Variants in UBE2Q2 observed in about 807,000 individuals in gnomAD.
UBE2Q2 encodes ubiquitin conjugating enzyme E2 Q2.
UBE2Q2 carries 54 observed loss-of-function variants against 59.9 expected under a neutral mutation model. That is an observed-to-expected ratio of 0.90 (90% CI 0.72 to 1.13). The LOEUF is 1.13. Ranked by LOEUF, UBE2Q2 falls within the 50% of genes most tolerant of loss-of-function variation. UBE2Q2 has a pLI of 0.00. For missense variants in UBE2Q2, 433 were observed against 441.9 expected (o/e 0.98, Z 0.18); for synonymous variants, 165 against 155.2 (o/e 1.06, Z -0.47).
intron 3 of UBE2Q2, among the ~76,000 whole-genome samples, chr15:75,861,817 A>G (rs569301587): frequency 9.9e-4 from 151 of 152,290 alleles, no homozygotes; most frequent in African/African-American, 3.5e-3. Flanking sequence ...AACTGGGGCT[A>G]GTTGGACAGG....
At chr15:75,875,351 C>A (rs1898019615) in intron 5 of UBE2Q2, among the ~76,000 whole-genome samples, 2 of 152,016 alleles carry the variant, frequency 1.3e-5, no homozygotes, top group South Asian at 2.1e-4. Flanking sequence ...TTCACGTGAC[C>A]AAAAAATAGT....
intron 1 of UBE2Q2, among the ~76,000 whole-genome samples, chr15:75,845,471 GGGTGATTACTCT>G (rs1007473333): frequency 1.3e-5 from 2 of 152,206 alleles, no homozygotes; most frequent in Admixed American, 1.3e-4. Flanking sequence ...ATGGCTTCGA[GGGTGATTACTCT>G]GGTAGAAGTT....
rs1567047479 is a variant in UBE2Q2 at position 75,900,354 on chromosome 15, ACT to A, written c.*899_*900del. 6.6e-6 allele frequency: 1 copy of A among 152,580 alleles called. No individual in the cohort carries two copies. The highest frequency in any genetic ancestry group is 2.4e-5 in the African/African-American group (1 of 41,442). The allele number at this position is 152,580 out of a possible 1,614,324, so 9.5% of individuals were successfully genotyped here. A position where few individuals can be genotyped will look rare whatever the true frequency, so the allele number is the denominator to read the frequency against. ...GTACAAAAAGATACTTAATTTGGAG[ACT>A]CTTACAGTAATTTTTGCCATGTCAA... On this transcript the variant is annotated 3_prime_UTR_variant, in exon 13 of 13. Transcript: ENST00000267938.
intron 3 of UBE2Q2, among the ~76,000 whole-genome samples, chr15:75,860,503 A>G (rs1260145714): frequency 6.6e-6 from 1 of 151,298 alleles, no homozygotes; most frequent in Non-Finnish European, 1.5e-5. Flanking sequence ...CCCACTTACC[A>G]CTCACCTCCC....
At chr15:75,889,244 A>G (rs2141663782) in intron 9 of UBE2Q2, among the ~76,000 whole-genome samples, 1 of 152,182 alleles carries the variant, frequency 6.6e-6, no homozygotes, top group Admixed American at 6.5e-5. Context: ...TTTCTTTTAG[A>G]TTTTCTTTCA....
At chr15:75,877,856 A>G in intron 6 of UBE2Q2, 105 bp from the exon 7 acceptor site, 2 of 963,446 alleles carry the variant, frequency 2.1e-6, no homozygotes, top group Admixed American at 5.4e-5. Context: ...ATGTTTTAAG[A>G]GCAAAATTTC....
chr15:75,857,661 G>C (rs946081758), intron 2 of UBE2Q2, among the ~76,000 whole-genome samples: 7 of 150,878 alleles, frequency 4.6e-5, no homozygotes, highest in African/African-American at 1.7e-4. Flanking sequence ...TTGTTCCCTT[G>C]TTGAAACATT....
chr15:75,865,316 C>T (rs1027869312), intron 3 of UBE2Q2, among the ~76,000 whole-genome samples: 6 of 152,154 alleles, frequency 3.9e-5, no homozygotes, highest in African/African-American at 1.4e-4. Context: ...CTTTGTTGTG[C>T]TTAACATTGT....
chr15:75,883,752 G>A (rs1263822245), intron 9 of UBE2Q2, among the ~76,000 whole-genome samples: 1 of 151,824 alleles, frequency 6.6e-6, no homozygotes, highest in Non-Finnish European at 1.5e-5. Context: ...GTTGTTCTGG[G>A]GCCCACACCT....
chr15:75,891,754 G>A (rs1483867190), intron 11 of UBE2Q2, among the ~76,000 whole-genome samples: 1 of 152,202 alleles, frequency 6.6e-6, no homozygotes, highest in Non-Finnish European at 1.5e-5. Flanking sequence ...AGCATAGGCT[G>A]TAATGTTAAT....
At chr15:75,875,295 A>AT (rs36068593) in intron 5 of UBE2Q2, among the ~76,000 whole-genome samples, 141,219 of 152,220 alleles carry the variant, frequency 0.93, 66,002 homozygotes, top group East Asian at 1. Context: ...AGGAAACTTG[A>AT]TTTTTCCCCC....
intron 1 of UBE2Q2, among the ~76,000 whole-genome samples, chr15:75,853,836 G>A (rs983774005): frequency 6.6e-6 from 1 of 152,154 alleles, no homozygotes; most frequent in Non-Finnish European, 1.5e-5. Flanking sequence ...TCATCTCACA[G>A]GCTGTGGGAC....
intron 2 of UBE2Q2, among the ~76,000 whole-genome samples, chr15:75,856,140 T>C (rs906053218): frequency 2.7e-4 from 41 of 151,796 alleles, no homozygotes; most frequent in Admixed American, 1.3e-4. Context: ...TAAGCCTAGA[T>C]TGTGCCTCTG....
At chr15:75,890,816 A>T in intron 10 of UBE2Q2, 103 bp from the exon 11 acceptor site, 1 of 966,322 alleles carries the variant, frequency 1.0e-6, no homozygotes, top group Non-Finnish European at 1.6e-6. Context: ...CAGTCTTTTT[A>T]ACACTGATTT....
Position 75,878,024 on chromosome 15 carries a change from A to C in UBE2Q2, c.734+3A>C. The C allele has an allele frequency of 1.2e-6, 2 of 1,613,634 alleles. No homozygotes were observed. Among genetic ancestry groups the C allele is most frequent in the Non-Finnish European group, 1.7e-6 (2 of 1,179,738 alleles). On this transcript the variant is annotated splice_donor_region_variant and intron_variant, in intron 7 of 12. Coordinates refer to ENST00000267938, the MANE Select transcript of UBE2Q2 (RefSeq NM_173469.4). ...GACTGGCATGTTAAACTGCAGAAGT[A>C]AGTGGCTTTTTAATGCTCACCCACT...
intron 1 of UBE2Q2, among the ~76,000 whole-genome samples, chr15:75,845,210 CAGTT>C (rs1281672701): frequency 2.0e-5 from 3 of 152,140 alleles, no homozygotes; most frequent in East Asian, 1.9e-4. Context: ...GAGGCTGAGA[CAGTT>C]AGAGATGAGC....
intron 3 of UBE2Q2, among the ~76,000 whole-genome samples, chr15:75,860,847 A>G (rs2593281): frequency 0.098 from 14,976 of 152,156 alleles, 1,876 homozygotes; most frequent in African/African-American, 0.3. Flanking sequence ...ATCCCATGCC[A>G]TCTTTCTTGG....
intron 1 of UBE2Q2, chr15:75,844,148 GT>G: frequency 7.0e-7 from 1 of 1,427,936 alleles, no homozygotes; most frequent in South Asian, 1.5e-5. Flanking sequence ...CCAAGCCCTT[GT>G]GGGGTCCATG....
At chr15:75,870,108 T>G (rs897268239) in intron 4 of UBE2Q2, among the ~76,000 whole-genome samples, 2 of 152,134 alleles carry the variant, frequency 1.3e-5, no homozygotes, top group African/African-American at 4.8e-5. Flanking sequence ...CTCACTGTGG[T>G]GCAGGCTGGA....
Sources: gnomAD v4.1 joint callset for allele counts (sites outside exome capture counted in the v4.1 genomes callset) on GRCh38, gnomAD v4.1.1 for gene constraint, MANE v1.5 for transcripts, NCBI Gene and HGNC (gene_info 2026-07-23, HGNC 2026-07-21) for gene names.